Variants in OTOGL observed in about 807,000 individuals in gnomAD.
The protein encoded by OTOGL is otogelin like.
In OTOGL, 285 loss-of-function variants were observed where a neutral mutation model predicts 318.5. That is an observed-to-expected ratio of 0.89 (90% CI 0.81 to 0.99). OTOGL has a LOEUF of 0.99. Among genes scored for constraint, OTOGL ranks in the 50% least tolerant of loss-of-function variants. The probability of loss-of-function intolerance (pLI) is 0.00; values close to 1 mark genes in which losing one functional copy is unlikely to be tolerated. For missense variants in OTOGL, 2,899 were observed against 2,845.6 expected (o/e 1.02, Z -0.43); for synonymous variants, 987 against 936.5 (o/e 1.05, Z -0.99).
chr12:80,184,892 G>A (rs770753301), intron 1 of OTOGL, among the ~76,000 whole-genome samples: 1 of 152,132 alleles, frequency 6.6e-6, no homozygotes, highest in African/African-American at 2.4e-5. Context: ...CAGTATTCTT[G>A]TATGATGTCA....
In OTOGL at chr12:80,339,152, T is replaced by C. The variant is rs761689057; in HGVS notation, c.4938T>C (p.Tyr1646=). The C allele has an allele frequency of 2.0e-5, 32 of 1,610,962 alleles. No homozygotes were observed. Among genetic ancestry groups the C allele is most frequent in the Non-Finnish European group, 2.6e-5 (31 of 1,177,364 alleles). The change falls in exon 43 of 59, where the codon TAT becomes TAC. Residue 1646 remains tyrosine (Y), a synonymous_variant. Coordinates refer to ENST00000547103, the MANE Select transcript of OTOGL (RefSeq NM_001378609.3). ...CCATAGAGGATTCTGGTTCAATGTA[T>C]GTAATTACTACTCCAGCTGGACTAA... ...ELSIEDSGSM[Y]VITTPAGLII...
chr12:80,325,242 GGTAAGATCCAGCCCCTCT>G (rs1181505715), intron 35 of OTOGL, among the ~76,000 whole-genome samples: 4 of 151,896 alleles, frequency 2.6e-5, no homozygotes, highest in Non-Finnish European at 4.4e-5. Context: ...GTTGCCAATA[GGTAAGATCCAGCCCCTCT>G]GTAAGATCCA....
chr12:80,377,340 G>T (rs1592463426), intron 58 of OTOGL, 138 bp downstream of exon 58: 1 of 580,226 alleles, frequency 1.7e-6, no homozygotes, highest in East Asian at 3.0e-5. Flanking sequence ...ACATTCTAAT[G>T]TTGCAATATT....
At chr12:80,359,133 A>G (rs1592754037) in intron 52 of OTOGL, among the ~76,000 whole-genome samples, 1 of 152,166 alleles carries the variant, frequency 6.6e-6, no homozygotes, top group Non-Finnish European at 1.5e-5. Context: ...GAATCTGCTA[A>G]TCTTATATCT....
intron 8 of OTOGL, among the ~76,000 whole-genome samples, chr12:80,232,637 C>G (rs1048700840): frequency 1.3e-5 from 2 of 152,198 alleles, no homozygotes; most frequent in African/African-American, 4.8e-5. Context: ...AAAGAAGCAT[C>G]TAATTGTAAG....
Position 80,367,688 on chromosome 12 carries a change from C to A in OTOGL, c.6459C>A (p.Gly2153=). Reference sequence around the variant, plus strand: ...TGGAAGAAAAAGATAACCATACGGGCTTTCACACTCTGAATTTTACACTGG... The same window carrying A: ...TGGAAGAAAAAGATAACCATACGGGATTTCACACTCTGAATTTTACACTGG... The part of the protein sequence containing the change: ...ECLEEKDNHT[G]FHTLNFTLVN... Residue 2153 remains glycine, a synonymous_variant, in exon 54 of 59, where the codon GGC becomes GGA. Coordinates refer to ENST00000547103, the MANE Select transcript of OTOGL (RefSeq NM_001378609.3). 6.8e-7 allele frequency: 1 copy of A among 1,464,754 alleles called. No homozygotes were observed. Among genetic ancestry groups the A allele is most frequent in the Non-Finnish European group, 9.1e-7 (1 of 1,104,660 alleles). 90.7% of individuals were successfully genotyped at this position (1,464,754 alleles called of 1,614,324 possible). A position where few individuals can be genotyped will look rare whatever the true frequency, so the allele number is the denominator to read the frequency against.
intron 42 of OTOGL, among the ~76,000 whole-genome samples, chr12:80,337,231 A>G (rs1888470917): frequency 6.6e-6 from 1 of 152,046 alleles, no homozygotes; most frequent in African/African-American, 2.4e-5. Flanking sequence ...TGCAGGGACC[A>G]TGTTAAATAC....
intron 1 of OTOGL, among the ~76,000 whole-genome samples, chr12:80,138,057 C>T (rs1871690376): frequency 6.6e-6 from 1 of 152,146 alleles, no homozygotes; most frequent in African/African-American, 2.4e-5. Flanking sequence ...TTAGACTTTC[C>T]TTCTCAGAGA....
In OTOGL at chr12:80,367,677, A is replaced by G. The variant is rs1423029717; in HGVS notation, c.6448A>G (p.Asn2150Asp). ...TATAGAGTGTCTGGAAGAAAAAGATAACCATACGGGCTTTCACACTCTGAA... is the reference window on the plus strand; with the variant it reads ...TATAGAGTGTCTGGAAGAAAAAGATGACCATACGGGCTTTCACACTCTGAA... ...YAIECLEEKDNHTGFHTLNFT... is the reference protein window; with the variant it reads ...YAIECLEEKDDHTGFHTLNFT... The change falls in exon 54 of 59, where the codon AAC (asparagine) becomes GAC (aspartate). Residue 2150 changes from asparagine to aspartate, a missense_variant. By Grantham distance (23) the Asn-to-Asp change is conservative (BLOSUM62 1). Transcript: ENST00000547103. The G allele has an allele frequency of 6.7e-6, 10 of 1,495,808 alleles. No homozygotes were observed. In the Middle Eastern group the frequency reaches 5.3e-4, roughly 79 times the overall value. 92.7% of individuals were successfully genotyped at this position (1,495,808 alleles called of 1,614,324 possible). A position where few individuals can be genotyped will look rare whatever the true frequency, so the allele number is the denominator to read the frequency against.
At chr12:80,223,270 T>C (rs78391861) in intron 7 of OTOGL, among the ~76,000 whole-genome samples, 1 of 152,094 alleles carries the variant, frequency 6.6e-6, no homozygotes, top group South Asian at 2.1e-4. Context: ...TATGTATATA[T>C]ATGTATATAT....
intron 37 of OTOGL, 110 bp downstream of exon 37, chr12:80,329,229 G>A: frequency 3.6e-6 from 3 of 825,242 alleles, no homozygotes; most frequent in South Asian, 2.5e-5. Flanking sequence ...CTACCTATGG[G>A]CTAGGAAACC....
chr12:80,188,328 A>G (rs1435203007), intron 1 of OTOGL, among the ~76,000 whole-genome samples: 1 of 152,064 alleles, frequency 6.6e-6, no homozygotes, highest in Admixed American at 6.6e-5. Context: ...TCACGAGGTC[A>G]GGAGTTCGAG....
intron 1 of OTOGL, among the ~76,000 whole-genome samples, chr12:80,148,396 G>T (rs1360786463): frequency 6.7e-6 from 1 of 149,734 alleles, no homozygotes; most frequent in Non-Finnish European, 1.5e-5. Flanking sequence ...CTCTCTTCTG[G>T]CTTGTAGGGT....
At chr12:80,230,392 G>C (rs1289374266) in intron 8 of OTOGL, among the ~76,000 whole-genome samples, 4 of 152,116 alleles carry the variant, frequency 2.6e-5, no homozygotes, top group East Asian at 3.9e-4. Context: ...GAAAGTTTAG[G>C]CATTTGAGTA....
intron 1 of OTOGL, among the ~76,000 whole-genome samples, chr12:80,135,277 C>CCCCTTCCCTT (rs767346954): frequency 1.9e-4 from 13 of 69,918 alleles, no homozygotes; most frequent in East Asian, 9.5e-4. Flanking sequence ...CCCCTCCCCT[C>CCCCTTCCCTT]CCCTTCCCTT....
chr12:80,313,679 G>C (rs751790750), intron 31 of OTOGL, 47 bp downstream of exon 31: 1 of 1,439,212 alleles, frequency 6.9e-7, no homozygotes. Context: ...CTGATAAAGA[G>C]ATACATATTA....
chr12:80,116,272 A>C (rs563272396), intron 1 of OTOGL, among the ~76,000 whole-genome samples: 40 of 152,196 alleles, frequency 2.6e-4, no homozygotes, highest in African/African-American at 9.1e-4. Flanking sequence ...CTCATGGCAC[A>C]GTCCCTCACA....
At chr12:80,209,539 AATTT>A in intron 2 of OTOGL, 29 bp downstream of exon 2, 1 of 1,361,966 alleles carries the variant, frequency 7.3e-7, no homozygotes, top group Non-Finnish European at 1.0e-6. Flanking sequence ...TTTTTATGTT[AATTT>A]ATTGTATTTT....
chr12:80,356,588 C>A, intron 48 of OTOGL, 68 bp downstream of exon 48: 5 of 1,239,424 alleles, frequency 4.0e-6, no homozygotes, highest in Non-Finnish European at 5.6e-6. Context: ...ATTAGATTCT[C>A]ATTCATTGTG....
Sources: allele counts gnomAD v4.1 joint callset (sites outside exome capture counted in the v4.1 genomes callset), GRCh38; gene constraint gnomAD v4.1.1; transcripts MANE v1.5; gene names NCBI Gene and HGNC (gene_info 2026-07-23, HGNC 2026-07-21).